Variants in SUPT3H observed in about 807,000 individuals in gnomAD.
The protein encoded by SUPT3H is SPT3 homolog, SAGA and STAGA complex component, also known as transcription initiation protein SPT3 homolog.
SUPT3H carries 44 observed loss-of-function variants against 44.3 expected under a neutral mutation model. The observed-to-expected ratio is 0.99, with a 90% confidence interval of 0.78 to 1.28. SUPT3H has a LOEUF of 1.28. Ranked by LOEUF, SUPT3H falls within the 50% of genes most tolerant of loss-of-function variation. SUPT3H has a pLI of 0.00. For synonymous variants in SUPT3H, 124 were observed against 125.6 expected, an observed-to-expected ratio of 0.99 and a Z score of 0.09; for missense variants, 380 against 387.1, an observed-to-expected ratio of 0.98 and a Z score of 0.15.
chr6:45,238,068 C>T (rs1464782490), intron 2 of SUPT3H, among the ~76,000 whole-genome samples: 1 of 152,106 alleles, frequency 6.6e-6, no homozygotes, highest in African/African-American at 2.4e-5. Context: ...AGTGTTGTGA[C>T]AAGGCATGTT....
At chr6:45,003,813 G>T (rs1460317581) in intron 5 of SUPT3H, 21 bp from the exon 6 acceptor site, 1 of 1,607,794 alleles carries the variant, frequency 6.2e-7, no homozygotes, top group Non-Finnish European at 8.5e-7. Context: ...TCAAGGGAAA[G>T]AAAAAAAGAA....
intron 10 of SUPT3H, among the ~76,000 whole-genome samples, chr6:44,926,796 C>T (rs1220505156): frequency 6.6e-6 from 1 of 152,118 alleles, no homozygotes; most frequent in African/African-American, 2.4e-5. Flanking sequence ...TGCATGAGTG[C>T]TCAACAAATA....
At chr6:45,343,566 T>A (rs938184128) in intron 2 of SUPT3H, among the ~76,000 whole-genome samples, 1 of 152,198 alleles carries the variant, frequency 6.6e-6, no homozygotes, top group Non-Finnish European at 1.5e-5. Context: ...AGGTCCTATG[T>A]ACATAACTCT....
At chr6:45,050,761 T>C (rs1322538178) in intron 3 of SUPT3H, among the ~76,000 whole-genome samples, 3 of 152,108 alleles carry the variant, frequency 2.0e-5, no homozygotes, top group Admixed American at 6.6e-5. Context: ...ACTTAGAAAC[T>C]TGATGTTAAG....
At chr6:44,990,183 A>ATT (rs138967479) in intron 6 of SUPT3H, among the ~76,000 whole-genome samples, 3 of 149,620 alleles carry the variant, frequency 2.0e-5, no homozygotes, top group Non-Finnish European at 4.5e-5. Context: ...ATTCAATTTC[A>ATT]TTTTTTTTTC....
At chr6:44,929,055 A>G (rs1166054345) in intron 10 of SUPT3H, among the ~76,000 whole-genome samples, 8 of 151,844 alleles carry the variant, frequency 5.3e-5, no homozygotes, top group Non-Finnish European at 1.0e-4. Context: ...TGTTTATGCC[A>G]TTCTCCCTGT....
At chr6:44,989,149 T>A (rs540298182) in intron 6 of SUPT3H, among the ~76,000 whole-genome samples, 59 of 152,224 alleles carry the variant, frequency 3.9e-4, no homozygotes, top group African/African-American at 1.3e-3. Context: ...TTGAGATGAC[T>A]GATATCCCAA....
intron 2 of SUPT3H, among the ~76,000 whole-genome samples, chr6:45,272,415 C>T (rs150553541): frequency 2.0e-5 from 3 of 152,166 alleles, no homozygotes; most frequent in African/African-American, 7.2e-5. Context: ...AAAGGAAACC[C>T]GTTTAACTTG....
intron 2 of SUPT3H, chr6:45,158,764 T>C (rs1458765804): frequency 6.6e-6 from 1 of 152,126 alleles, no homozygotes. Context: ...CCAGAGGTCA[T>C]ATCCTGATAT....
chr6:45,227,641 T>C (rs929576354), intron 2 of SUPT3H, among the ~76,000 whole-genome samples: 7 of 152,210 alleles, frequency 4.6e-5, no homozygotes, highest in Admixed American at 4.6e-4. Flanking sequence ...GGACACCTGT[T>C]GCATTCCTAG....
At chr6:44,903,243 C>G (rs2153449297) in intron 10 of SUPT3H, among the ~76,000 whole-genome samples, 1 of 152,218 alleles carries the variant, frequency 6.6e-6, no homozygotes, top group East Asian at 1.9e-4. Flanking sequence ...AATCCAGTAG[C>G]TGGTTTTTTG....
downstream of SUPT3H, among the ~76,000 whole-genome samples, chr6:44,824,889 C>G (rs1337704251): frequency 1.3e-5 from 2 of 152,178 alleles, no homozygotes; most frequent in Admixed American, 6.5e-5. Flanking sequence ...ACAAACATGT[C>G]AGGCTGGGAA....
chr6:45,342,999 C>T (rs1157268054), intron 2 of SUPT3H, among the ~76,000 whole-genome samples: 3 of 152,100 alleles, frequency 2.0e-5, no homozygotes, highest in Admixed American at 6.5e-5. Flanking sequence ...ATTTAAGCTC[C>T]CTGTGTCTCA....
intron 10 of SUPT3H, among the ~76,000 whole-genome samples, chr6:44,867,163 T>C (rs1369843456): frequency 6.6e-6 from 1 of 152,032 alleles, no homozygotes; most frequent in Non-Finnish European, 1.5e-5. Context: ...ACTTTTTTTT[T>C]TTTTTTGAAA....
At chr6:45,169,426 G>T (rs1178803217) in intron 2 of SUPT3H, among the ~76,000 whole-genome samples, 1 of 152,174 alleles carries the variant, frequency 6.6e-6, no homozygotes, top group East Asian at 1.9e-4. Context: ...ATAATCATTT[G>T]CTATGATCCA....
chr6:45,282,717 G>C (rs1395536041), intron 2 of SUPT3H, among the ~76,000 whole-genome samples: 1 of 152,070 alleles, frequency 6.6e-6, no homozygotes, highest in Non-Finnish European at 1.5e-5. Context: ...AACATGCAAA[G>C]TCAGGAAATA....
intron 11 of SUPT3H, among the ~76,000 whole-genome samples, chr6:44,815,785 T>G (rs1220996021): frequency 1.3e-5 from 2 of 152,028 alleles, no homozygotes; most frequent in Non-Finnish European, 2.9e-5. Flanking sequence ...AGAAAATCAG[T>G]AAGTATACAG....
rs531110001 is a variant in SUPT3H, at chr6:44,927,493, T to C, written c.912+5160A>G. 1.7e-4 allele frequency among the ~76,000 whole-genome samples: 26 copies of C among 152,314 alleles called. No individual in the cohort carries two copies. In the East Asian group the frequency reaches 2.1e-3, roughly 12 times the overall value. On this transcript the variant is annotated intron_variant, in intron 10 of 10. Transcript: ENST00000371459. The stretch of plus-strand genomic sequence containing the variant: ...ATTTCTGAAAACCTTTTCAATAACT[T>C]ATGCAAATATGTAAAATCACAAACA...
At chr6:45,119,422 C>T (rs1364729312) in intron 2 of SUPT3H, among the ~76,000 whole-genome samples, 1 of 152,120 alleles carries the variant, frequency 6.6e-6, no homozygotes, top group Non-Finnish European at 1.5e-5. Flanking sequence ...ACGGATTCAC[C>T]TCCCAACTGA....
Sources: gnomAD v4.1 joint callset for allele counts (sites outside exome capture counted in the v4.1 genomes callset) on GRCh38, gnomAD v4.1.1 for gene constraint, MANE v1.5 for transcripts, NCBI Gene and HGNC (gene_info 2026-07-23, HGNC 2026-07-21) for gene names.